Variants in RAB6B observed in about 807,000 individuals in gnomAD.
The protein encoded by RAB6B is RAB6B, member RAS oncogene family.
In RAB6B, 7 loss-of-function variants were observed where a neutral mutation model predicts 31.2. That is an observed-to-expected ratio of 0.22 (90% CI 0.13 to 0.42). The LOEUF (loss-of-function observed/expected upper bound fraction) is 0.42. Ranked by LOEUF, RAB6B falls within the 10% of genes least tolerant of loss-of-function variation. The pLI is 1.00. For synonymous variants in RAB6B, 105 were observed against 104.9 expected, an observed-to-expected ratio of 1.00 and a Z score of -0.01; for missense variants, 149 against 280.6, an observed-to-expected ratio of 0.53 and a Z score of 3.35.
In RAB6B at chr3:133,895,734, C is replaced by T. The variant is rs1936703106; in HGVS notation, c.-268G>A. 5.2e-5 allele frequency: 25 copies of T among 483,872 alleles called. No homozygotes were observed. In the South Asian group the frequency reaches 8.3e-4, roughly 16 times the overall value. The allele number at this position is 483,872 out of a possible 1,614,324, so 30.0% of individuals were successfully genotyped here. On this transcript the variant is annotated 5_prime_UTR_variant, in exon 1 of 8. Transcript: ENST00000285208. Reference sequence around the variant, plus strand: ...TCGGCACTGGCTGCGGTGCGAGGGGCGCGCTCTTTACGCCCGAGGCGCGGC... The same window carrying T: ...TCGGCACTGGCTGCGGTGCGAGGGGTGCGCTCTTTACGCCCGAGGCGCGGC...
At chr3:133,892,816 G>A (rs1936654887) in intron 1 of RAB6B, among the ~76,000 whole-genome samples, 1 of 152,202 alleles carries the variant, frequency 6.6e-6, no homozygotes. Flanking sequence ...TCTCTCCACT[G>A]CACAGGCTGC....
chr3:133,838,144 C>A (rs1391013952), intron 6 of RAB6B, 22 bp downstream of exon 6: 2 of 1,238,682 alleles, frequency 1.6e-6, no homozygotes, highest in East Asian at 4.7e-5. Context: ...CGTGCCGGGC[C>A]CCGTGCCAGG....
At chr3:133,846,065 C>T (rs191334324) in intron 2 of RAB6B, among the ~76,000 whole-genome samples, 1 of 152,250 alleles carries the variant, frequency 6.6e-6, no homozygotes, top group Admixed American at 6.5e-5. Context: ...ATAAATTGTT[C>T]AAACTGAAGC....
chr3:133,870,314 C>T (rs1275917666), intron 1 of RAB6B, among the ~76,000 whole-genome samples: 1 of 152,124 alleles, frequency 6.6e-6, no homozygotes, highest in Non-Finnish European at 1.5e-5. Context: ...GAAACCGCCC[C>T]CATGATCCAA....
chr3:133,864,747 G>C (rs1160953017), intron 1 of RAB6B, 105 bp from the exon 2 acceptor site: 2 of 1,124,744 alleles, frequency 1.8e-6, no homozygotes, highest in Non-Finnish European at 2.7e-6. Flanking sequence ...AAGCACAGGG[G>C]AAAGGCCGAG....
chr3:133,888,418 G>T (rs982437037), intron 1 of RAB6B, among the ~76,000 whole-genome samples: 8 of 152,188 alleles, frequency 5.3e-5, no homozygotes, highest in Non-Finnish European at 8.8e-5. Context: ...TTCTTTTTAT[G>T]CATTTCCTGG....
chr3:133,825,412 C>T lies in RAB6B; in HGVS notation c.*3376G>A, dbSNP rs1008584331. 1 of 152,222 alleles carries T rather than the reference C, an allele frequency of 6.6e-6. No homozygotes were observed. The highest frequency in any genetic ancestry group is 1.5e-5 in the Non-Finnish European group (1 of 68,062). The allele number at this position is 152,222 out of a possible 1,614,324, so 9.4% of individuals were successfully genotyped here. On this transcript the variant is annotated 3_prime_UTR_variant, in exon 8 of 8. Transcript: ENST00000285208. ...GCCAGAGATACTGAAACTGGTCTGG[C>T]CATTGCTCCCCTCAGACCTGGGAAC...
intron 1 of RAB6B, among the ~76,000 whole-genome samples, chr3:133,887,408 C>T (rs755839768): frequency 5.3e-5 from 8 of 152,178 alleles, no homozygotes. Flanking sequence ...AGGTGGTAGG[C>T]TGGAGAAGAT....
intron 1 of RAB6B, among the ~76,000 whole-genome samples, chr3:133,876,571 T>C (rs1424729094): frequency 2.0e-5 from 3 of 152,208 alleles, no homozygotes; most frequent in Admixed American, 6.5e-5. Context: ...TTGAAAAATC[T>C]TCCCTAATTA....
intron 5 of RAB6B, among the ~76,000 whole-genome samples, chr3:133,839,155 G>A (rs1935784170): frequency 6.6e-6 from 1 of 152,242 alleles, no homozygotes; most frequent in South Asian, 2.1e-4. Flanking sequence ...AGTTCACAGT[G>A]CACACGCTGG....
intron 1 of RAB6B, among the ~76,000 whole-genome samples, chr3:133,891,965 A>G (rs369144622): frequency 1.4e-4 from 22 of 152,284 alleles, no homozygotes; most frequent in Admixed American, 3.3e-4. Flanking sequence ...GGTCAGAAGA[A>G]GACAGTGCAC....
intron 6 of RAB6B, among the ~76,000 whole-genome samples, chr3:133,837,552 A>C (rs1935754831): frequency 6.6e-6 from 1 of 152,148 alleles, no homozygotes; most frequent in Non-Finnish European, 1.5e-5. Flanking sequence ...AGTGCTACGG[A>C]CGGGTCAGTG....
intron 2 of RAB6B, among the ~76,000 whole-genome samples, chr3:133,852,039 T>C (rs1242275202): frequency 6.6e-6 from 1 of 152,192 alleles, no homozygotes; most frequent in African/African-American, 2.4e-5. Flanking sequence ...TGATGGGCAT[T>C]CTCCTCGTCA....
At chr3:133,864,744 G>C (rs1936211756) in intron 1 of RAB6B, 102 bp from the exon 2 acceptor site, 1 of 1,169,488 alleles carries the variant, frequency 8.6e-7, no homozygotes, top group African/African-American at 1.5e-5. Flanking sequence ...AAAAAGCACA[G>C]GGGAAAGGCC....
intron 2 of RAB6B, among the ~76,000 whole-genome samples, chr3:133,850,293 T>C (rs1275899308): frequency 6.6e-6 from 1 of 152,154 alleles, no homozygotes; most frequent in African/African-American, 2.4e-5. Context: ...TTTAACATAA[T>C]GTATAACCCA....
chr3:133,851,508 G>A (rs1410202784), intron 2 of RAB6B, among the ~76,000 whole-genome samples: 5 of 152,204 alleles, frequency 3.3e-5, no homozygotes, highest in South Asian at 4.1e-4. Flanking sequence ...GAGACAAAAC[G>A]GAACCTGCTG....
At chr3:133,864,170 G>GA (rs1363494959) in intron 2 of RAB6B, among the ~76,000 whole-genome samples, 5 of 148,836 alleles carry the variant, frequency 3.4e-5, no homozygotes, top group Non-Finnish European at 1.5e-5. Context: ...GTGTGGGGGG[G>GA]GGCGGGGGTG....
intron 1 of RAB6B, among the ~76,000 whole-genome samples, chr3:133,891,507 T>C (rs1175889210): frequency 1.3e-5 from 2 of 152,222 alleles, no homozygotes; most frequent in Non-Finnish European, 2.9e-5. Flanking sequence ...GCCCCTGCTC[T>C]AGGCCCCAGT....
chr3:133,864,240 G>A (rs1020746688), intron 2 of RAB6B, among the ~76,000 whole-genome samples: 2 of 152,030 alleles, frequency 1.3e-5, no homozygotes, highest in Non-Finnish European at 2.9e-5. Flanking sequence ...GCGCAAGTTC[G>A]CCTAACACTC....
Sources: allele counts gnomAD v4.1 joint callset (sites outside exome capture counted in the v4.1 genomes callset), GRCh38; gene constraint gnomAD v4.1.1; transcripts MANE v1.5; gene names NCBI Gene and HGNC (gene_info 2026-07-23, HGNC 2026-07-21).